Variants in SENP7 observed in about 807,000 individuals in gnomAD.
SENP7 encodes sentrin-specific protease 7.
SENP7 carries 64 observed loss-of-function variants against 141.2 expected under a neutral mutation model. The ratio of observed to expected loss-of-function variants is 0.45; its 90% CI spans 0.37 to 0.56. The LOEUF is 0.56. Ranked by LOEUF, SENP7 falls within the 20% of genes least tolerant of loss-of-function variation. The pLI is 0.00. For synonymous variants in SENP7, 382 were observed against 426.4 expected (o/e 0.90, Z 1.28); for missense variants, 1,025 against 1,212.2 (o/e 0.85, Z 2.29).
rs2058867976 is a variant in SENP7, at chr3:101,325,194, T to C, written c.*749A>G. On this transcript the variant is annotated 3_prime_UTR_variant, in exon 24 of 24. Transcript: ENST00000394095. ...AGTACCTCAAGTTGAGCTACATGTA[T>C]AATTTTTAAAAAACTATTTTGCACA... The C allele has an allele frequency of 6.6e-6, 1 of 152,038 alleles. No homozygotes were observed. The highest frequency in any genetic ancestry group is 1.5e-5 in the Non-Finnish European group (1 of 67,982). 9.4% of individuals were successfully genotyped at this position (152,038 alleles called of 1,614,324 possible).
intron 6 of SENP7, among the ~76,000 whole-genome samples, chr3:101,377,476 G>C (rs1394033372): frequency 6.6e-6 from 1 of 152,088 alleles, no homozygotes. Flanking sequence ...AATCCCAGAG[G>C]ACTTAGTCAT....
chr3:101,473,741 A>G (rs1229867197), intron 3 of SENP7, among the ~76,000 whole-genome samples: 1 of 152,178 alleles, frequency 6.6e-6, no homozygotes, highest in Non-Finnish European at 1.5e-5. Context: ...TAGTTTAGTT[A>G]GATCCCATTT....
chr3:101,355,167 T>C (rs181823105), intron 11 of SENP7, among the ~76,000 whole-genome samples: 37 of 152,278 alleles, frequency 2.4e-4, no homozygotes, highest in Middle Eastern at 6.8e-3. Context: ...CTGTAGGTTG[T>C]CTGTTTACTC....
intron 6 of SENP7, among the ~76,000 whole-genome samples, chr3:101,376,848 T>C (rs1292102442): frequency 6.6e-6 from 1 of 151,920 alleles, no homozygotes; most frequent in East Asian, 1.9e-4. Context: ...AACAAAGCTT[T>C]CAAATTCAGT....
At position 101,458,943 on chromosome 3, in the gene SENP7, C is replaced by CTT; in HGVS notation, c.284+11_284+12insAA. On this transcript the variant is annotated intron_variant, in intron 4 of 23. Transcript: ENST00000394095. ...TTAAGCCCATACTATGTCGCACACACACATATCTTACCTTTCTGGTGATGA... is the reference window on the plus strand; with the variant it reads ...TTAAGCCCATACTATGTCGCACACACTTACATATCTTACCTTTCTGGTGATGA... 1 of 1,521,148 alleles carries CTT rather than the reference C, an allele frequency of 6.6e-7. No homozygotes were observed. The highest frequency in any genetic ancestry group is 9.1e-7 in the Non-Finnish European group (1 of 1,102,918). The allele number at this position is 1,521,148 out of a possible 1,614,324, so 94.2% of individuals were successfully genotyped here.
intron 6 of SENP7, among the ~76,000 whole-genome samples, chr3:101,375,670 T>C (rs2060308449): frequency 6.6e-6 from 1 of 152,018 alleles, no homozygotes; most frequent in Non-Finnish European, 1.5e-5. Context: ...TGTACTCCAC[T>C]GTTCACTGTG....
At chr3:101,383,118 G>A (rs2060551149) in intron 6 of SENP7, among the ~76,000 whole-genome samples, 1 of 152,218 alleles carries the variant, frequency 6.6e-6, no homozygotes, top group African/African-American at 2.4e-5. Context: ...GGTGAGGCCT[G>A]GTGAGAGGTG....
intron 3 of SENP7, among the ~76,000 whole-genome samples, chr3:101,474,155 G>T (rs1405745639): frequency 6.6e-6 from 1 of 152,122 alleles, no homozygotes; most frequent in African/African-American, 2.4e-5. Context: ...TTTTGCTTAG[G>T]ATTGCCTTGA....
At chr3:101,339,916 A>T (rs931888140) in intron 16 of SENP7, among the ~76,000 whole-genome samples, 179 bp downstream of exon 16, 1 of 152,202 alleles carries the variant, frequency 6.6e-6, no homozygotes, top group Non-Finnish European at 1.5e-5. Flanking sequence ...ACAGTAAGTA[A>T]AGCAATGAAA....
At chr3:101,451,544 G>T (rs2063136155) in intron 4 of SENP7, among the ~76,000 whole-genome samples, 1 of 152,202 alleles carries the variant, frequency 6.6e-6, no homozygotes, top group African/African-American at 2.4e-5. Flanking sequence ...TCCCTGAGAT[G>T]CAAGGCTGAT....
intron 2 of SENP7, among the ~76,000 whole-genome samples, chr3:101,495,419 T>C (rs2065124113): frequency 6.6e-6 from 1 of 152,186 alleles, no homozygotes; most frequent in South Asian, 2.1e-4. Flanking sequence ...CAAAGGAATA[T>C]AAATCATTCT....
At chr3:101,351,339 T>C (rs2059607302) in intron 12 of SENP7, among the ~76,000 whole-genome samples, 1 of 151,932 alleles carries the variant, frequency 6.6e-6, no homozygotes, top group African/African-American at 2.4e-5. Context: ...TAGTTACTAT[T>C]GTTATCCATT....
intron 6 of SENP7, among the ~76,000 whole-genome samples, chr3:101,389,365 A>ATCTTGT (rs2060747477): frequency 6.6e-6 from 1 of 152,194 alleles, no homozygotes; most frequent in African/African-American, 2.4e-5. Flanking sequence ...TCAAACTACC[A>ATCTTGT]AGTCAGAGAC....
At chr3:101,447,279 TA>T (rs1219171631) in intron 4 of SENP7, among the ~76,000 whole-genome samples, 2 of 152,134 alleles carry the variant, frequency 1.3e-5, no homozygotes, top group Admixed American at 1.3e-4. Flanking sequence ...ACCCCGTCTC[TA>T]CAAATTCAAA....
intron 6 of SENP7, among the ~76,000 whole-genome samples, chr3:101,391,779 T>C (rs879655266): frequency 5.3e-4 from 80 of 151,894 alleles, no homozygotes; most frequent in African/African-American, 1.8e-3. Flanking sequence ...TACAAGGACA[T>C]GAGAAAAAAA....
At chr3:101,404,316 G>C (rs1372988339) in intron 5 of SENP7, among the ~76,000 whole-genome samples, 1 of 152,002 alleles carries the variant, frequency 6.6e-6, no homozygotes, top group African/African-American at 2.4e-5. Flanking sequence ...ACAAGCAATG[G>C]ACAAAGGGCT....
intron 23 of SENP7, 47 bp from the exon 24 acceptor site, chr3:101,326,127 C>T: frequency 7.0e-7 from 1 of 1,429,956 alleles, no homozygotes; most frequent in Non-Finnish European, 9.3e-7. Context: ...AGCATAATTT[C>T]AAATTTGTTT....
chr3:101,395,613 G>A (rs904432781), intron 6 of SENP7, among the ~76,000 whole-genome samples: 11 of 152,052 alleles, frequency 7.2e-5, no homozygotes, highest in Middle Eastern at 3.2e-3. Context: ...TTGGCTATTT[G>A]GGCTCTTTTT....
At chr3:101,453,882 A>G (rs1372644688) in intron 4 of SENP7, among the ~76,000 whole-genome samples, 2 of 152,200 alleles carry the variant, frequency 1.3e-5, no homozygotes, top group Non-Finnish European at 2.9e-5. Context: ...AAATTAAAAA[A>G]AAAAAACAAA....
Sources: allele counts gnomAD v4.1 joint callset (sites outside exome capture counted in the v4.1 genomes callset), GRCh38; gene constraint gnomAD v4.1.1; transcripts MANE v1.5; gene names NCBI Gene and HGNC (gene_info 2026-07-23, HGNC 2026-07-21).